ZNF438: variants seen among roughly 807,000 people sequenced by gnomAD.
ZNF438 encodes zinc finger protein 438.
Under a neutral mutation model 38.0 loss-of-function variants are expected in ZNF438, and 25 were observed. The observed-to-expected ratio is 0.66, with a 90% CI of 0.48 to 0.92. The LOEUF is 0.92. Among genes scored for constraint, ZNF438 ranks in the 40% least tolerant of loss-of-function variants. ZNF438 has a pLI of 0.00. For synonymous variants in ZNF438, 372 were observed against 364.1 expected, an observed-to-expected ratio of 1.02 and a Z score of -0.25; for missense variants, 1,007 against 999.6, an observed-to-expected ratio of 1.01 and a Z score of -0.10.
intron 2 of ZNF438, among the ~76,000 whole-genome samples, chr10:30,935,026 GT>G (rs1317756306): frequency 6.6e-6 from 1 of 152,124 alleles, no homozygotes; most frequent in African/African-American, 2.4e-5. Flanking sequence ...CTTTATTGTT[GT>G]TATTGTTGTA....
chr10:30,950,815 A>T (rs1424290228), intron 1 of ZNF438, among the ~76,000 whole-genome samples: 38 of 113,984 alleles, frequency 3.3e-4, no homozygotes, highest in African/African-American at 1.4e-3. Context: ...ATTCTACCAG[A>T]GGTACAAGGA....
At chr10:30,869,417 G>T (rs957747360) in intron 4 of ZNF438, among the ~76,000 whole-genome samples, 3 of 141,900 alleles carry the variant, frequency 2.1e-5, no homozygotes, top group Non-Finnish European at 4.7e-5. Context: ...AGGAAAGAAA[G>T]AAATACAGCT....
chr10:30,851,988 T>C (rs4747732), intron 4 of ZNF438, among the ~76,000 whole-genome samples: 49,674 of 150,650 alleles, frequency 0.33, 9,408 homozygotes, highest in South Asian at 0.41. Context: ...TGAAACTCTG[T>C]CTCTACTAAA....
At chr10:30,948,440 T>C (rs146797214) in intron 1 of ZNF438, among the ~76,000 whole-genome samples, 4 of 151,830 alleles carry the variant, frequency 2.6e-5, no homozygotes, top group Non-Finnish European at 5.9e-5. Context: ...CTTCAGACGA[T>C]CAAATTACTC....
intron 1 of ZNF438, among the ~76,000 whole-genome samples, chr10:30,972,097 G>A (rs1047616201): frequency 7.9e-5 from 12 of 151,672 alleles, no homozygotes; most frequent in Admixed American, 7.9e-4. Context: ...AGTCTCCCGA[G>A]TAGCTGGGAC....
At chr10:30,881,934 C>T (rs961703331) in intron 3 of ZNF438, among the ~76,000 whole-genome samples, 5 of 152,132 alleles carry the variant, frequency 3.3e-5, no homozygotes, top group Admixed American at 3.3e-4. Flanking sequence ...GCATCATATA[C>T]CCAAATGTAA....
At chr10:30,849,808 G>T in exon 5 of ZNF438, 1 of 1,614,048 alleles carries the variant, frequency 6.2e-7, no homozygotes, top group Non-Finnish European at 8.5e-7. Flanking sequence ...AGTCCCCATG[G>T]TCACTTCCAT....
At chr10:30,997,513 G>C (rs1276275888) in intron 1 of ZNF438, among the ~76,000 whole-genome samples, 1 of 151,788 alleles carries the variant, frequency 6.6e-6, no homozygotes, top group Non-Finnish European at 1.5e-5. Context: ...GGCCTTGGAA[G>C]ATACGGCAGA....
intron 2 of ZNF438, among the ~76,000 whole-genome samples, chr10:30,916,567 T>C (rs2043662853): frequency 6.6e-6 from 1 of 152,062 alleles, no homozygotes; most frequent in Non-Finnish European, 1.5e-5. Context: ...TGTTACCATA[T>C]GTATCCCTAA....
At chr10:30,960,614 T>G (rs2049357364) in intron 1 of ZNF438, among the ~76,000 whole-genome samples, 1 of 146,924 alleles carries the variant, frequency 6.8e-6, no homozygotes, top group Admixed American at 6.9e-5. Flanking sequence ...CTCCATTGAT[T>G]TATATGCTTA....
chr10:30,926,394 G>A (rs1291239898), intron 2 of ZNF438, among the ~76,000 whole-genome samples: 3 of 152,162 alleles, frequency 2.0e-5, no homozygotes, highest in Non-Finnish European at 2.9e-5. Flanking sequence ...ACGGCTAGGC[G>A]CAGTCGCTCA....
At chr10:30,849,509 C>T (rs1220181837) in exon 5 of ZNF438, 1 of 1,614,202 alleles carries the variant, frequency 6.2e-7, no homozygotes, top group Admixed American at 1.7e-5. Context: ...TGTCTTCATT[C>T]TTGAGTAGGG....
chr10:30,901,640 C>T (rs917057392), intron 3 of ZNF438, among the ~76,000 whole-genome samples: 8 of 152,052 alleles, frequency 5.3e-5, no homozygotes, highest in Admixed American at 1.3e-4. Context: ...ATTGTCTCGT[C>T]GCTTGGCAAT....
Position 31,001,691 on chromosome 10 carries a change from A to AT in ZNF438, c.-192+30141dup, listed in dbSNP as rs779538711. Reference sequence around the variant, plus strand: ...CTGTATTTGGTTACAAAATTTTGCCATAAGTTACACTTATAATTGCACTTT... The same window carrying AT: ...CTGTATTTGGTTACAAAATTTTGCCATTAAGTTACACTTATAATTGCACTTT... On this transcript the variant is annotated intron_variant, in intron 1 of 5. Transcript: ENST00000413025. Among the ~76,000 whole-genome samples the AT allele has an allele frequency of 2.6e-5, 4 of 152,208 alleles. No homozygotes were observed. In the East Asian group the frequency reaches 7.7e-4, roughly 29 times the overall value.
rs61089896 is a variant in ZNF438, at chr10:30,896,256, A to G, written c.-32+12677T>C. Among the ~76,000 whole-genome samples, 596 of 149,650 alleles carry G rather than the reference A, an allele frequency of 4.0e-3. 8 individuals are homozygous for G. The highest frequency in any genetic ancestry group is 0.014 in the African/African-American group (560 of 40,632). On this transcript the variant is annotated intron_variant, in intron 3 of 5. Transcript: ENST00000413025. ...GCTTGCAGTGAGCCGAGACCGCGCC[A>G]CGGCACTCCAGCCTGGGCAACTGAG...
intron 1 of ZNF438, among the ~76,000 whole-genome samples, chr10:30,949,452 T>A (rs2047885581): frequency 6.6e-6 from 1 of 152,180 alleles, no homozygotes; most frequent in Non-Finnish European, 1.5e-5. Flanking sequence ...AGACACAGAC[T>A]GGCAAATTGG....
At chr10:30,983,475 AACTC>A (rs1191577136) in intron 1 of ZNF438, among the ~76,000 whole-genome samples, 3 of 152,046 alleles carry the variant, frequency 2.0e-5, no homozygotes, top group Non-Finnish European at 4.4e-5. Flanking sequence ...ATCTCATGAG[AACTC>A]ACTCACTATC....
chr10:30,978,969 T>G (rs2051769467), intron 1 of ZNF438, among the ~76,000 whole-genome samples: 1 of 152,220 alleles, frequency 6.6e-6, no homozygotes, highest in African/African-American at 2.4e-5. Context: ...GCTGTTTCAT[T>G]TGCATTGAGG....
At chr10:30,977,137 T>A (rs2051453623) in intron 1 of ZNF438, among the ~76,000 whole-genome samples, 1 of 152,136 alleles carries the variant, frequency 6.6e-6, no homozygotes, top group Non-Finnish European at 1.5e-5. Context: ...TGCAAAACAT[T>A]CTCTCAAATA....
Sources: gnomAD v4.1 joint callset for allele counts (sites outside exome capture counted in the v4.1 genomes callset) on GRCh38, gnomAD v4.1.1 for gene constraint, MANE v1.5 for transcripts, NCBI Gene and HGNC (gene_info 2026-07-23, HGNC 2026-07-21) for gene names.